The following SMCHD1 variants were observed in gnomAD, a reference collection of about 807,000 sequenced individuals.
SMCHD1 encodes structural maintenance of chromosomes flexible hinge domain containing 1, also known as structural maintenance of chromosomes flexible hinge domain-containing protein 1.
A neutral mutation model predicts 254.7 loss-of-function variants in SMCHD1; 78 were observed. The ratio of observed to expected loss-of-function variants is 0.31; its 90% confidence interval spans 0.26 to 0.37. The LOEUF (loss-of-function observed/expected upper bound fraction) is 0.37. Ranked by LOEUF, SMCHD1 falls within the 10% of genes least tolerant of loss-of-function variation. The pLI, the probability that SMCHD1 is intolerant of heterozygous loss-of-function variation, is 1.00. For synonymous variants in SMCHD1, 766 were observed against 794.9 expected, an observed-to-expected ratio of 0.96 and a Z score of 0.61; for missense variants, 1,840 against 2,408.1, an observed-to-expected ratio of 0.76 and a Z score of 4.94.
intron 29 of SMCHD1, among the ~76,000 whole-genome samples, chr18:2,744,573 T>A (rs1443755073): frequency 1.3e-5 from 2 of 152,188 alleles, no homozygotes; most frequent in Non-Finnish European, 2.9e-5. Context: ...ATACTTTTTT[T>A]TGTGGTGAAA....
intron 5 of SMCHD1, among the ~76,000 whole-genome samples, chr18:2,684,453 G>A (rs1382437385): frequency 6.6e-6 from 1 of 151,886 alleles, no homozygotes; most frequent in African/African-American, 2.4e-5. Context: ...GTGTTAAAAT[G>A]GTAAATGTTT....
At position 2,772,514 on chromosome 18, in the gene SMCHD1, A is replaced by G. The variant is rs655479; in HGVS notation, c.5175+142A>G. On this transcript the variant is annotated intron_variant, in intron 41 of 47. Transcript: ENST00000320876. ...ATAAAGTACCTGCTCTCATTATTGC[A>G]ATAGGGATTTGGCAGAGTTTAAAAC... 7.7e-6 allele frequency: 5 copies of G among 653,194 alleles called. No homozygotes were observed. The East Asian group carries it at 1.1e-4, about 14-fold the overall frequency. The allele number at this position is 653,194 out of a possible 1,614,324, so 40.5% of individuals were successfully genotyped here.
At chr18:2,765,613 C>T (rs1416320857) in intron 37 of SMCHD1, among the ~76,000 whole-genome samples, 2 of 152,166 alleles carry the variant, frequency 1.3e-5, no homozygotes, top group African/African-American at 4.8e-5. Context: ...TTGGTGAAAT[C>T]TAAAGATCTG....
At chr18:2,746,984 C>G (rs780892479) in intron 29 of SMCHD1, among the ~76,000 whole-genome samples, 1 of 124,722 alleles carries the variant, frequency 8.0e-6, no homozygotes, top group Non-Finnish European at 1.8e-5. Context: ...TCCTATTTAA[C>G]CAAGGGCTAG....
At chr18:2,682,762 A>T (rs2073962680) in intron 5 of SMCHD1, among the ~76,000 whole-genome samples, 1 of 152,230 alleles carries the variant, frequency 6.6e-6, no homozygotes, top group African/African-American at 2.4e-5. Flanking sequence ...ATGTAAATTT[A>T]TTCCTGAAGG....
At chr18:2,683,053 G>T (rs971713253) in intron 5 of SMCHD1, among the ~76,000 whole-genome samples, 2 of 152,142 alleles carry the variant, frequency 1.3e-5, no homozygotes, top group Non-Finnish European at 2.9e-5. Flanking sequence ...CTAGTGGAGA[G>T]AATTCTTTAG....
In SMCHD1 at chr18:2,743,804, C is replaced by A. The variant is rs748992678; in HGVS notation, c.3677C>A (p.Pro1226Gln). ...AGTGTAAGAGGCATCAAATTTATTC[C>A]AGGTCCTCCTGGAAATAAGGATCTT... The part of the protein sequence containing the change: ...SISVRGIKFI[P>Q]GPPGNKDLCF... The change falls in exon 29 of 48, where the codon CCA becomes CAA. Residue 1226 changes from proline to glutamine, a missense_variant. Coordinates refer to ENST00000320876, the MANE Select transcript of SMCHD1 (RefSeq NM_015295.3). 8.1e-6 allele frequency: 13 copies of A among 1,612,822 alleles called. No individual in the cohort carries two copies. Among genetic ancestry groups the A allele is most frequent in the Non-Finnish European group, 9.3e-6 (11 of 1,179,428 alleles).
intron 3 of SMCHD1, among the ~76,000 whole-genome samples, chr18:2,671,772 A>AC (rs949243858): frequency 1.2e-4 from 18 of 150,472 alleles, no homozygotes; most frequent in African/African-American, 4.4e-4. Flanking sequence ...ATTTTTTTGT[A>AC]TTTTTTTAGT....
intron 41 of SMCHD1, among the ~76,000 whole-genome samples, chr18:2,775,421 A>G (rs1313248617): frequency 6.6e-6 from 1 of 152,088 alleles, no homozygotes; most frequent in Non-Finnish European, 1.5e-5. Flanking sequence ...TGAAAAAAGT[A>G]TATATTACTA....
intron 29 of SMCHD1, among the ~76,000 whole-genome samples, chr18:2,744,752 G>A (rs894381059): frequency 2.0e-5 from 3 of 152,152 alleles, no homozygotes; most frequent in Non-Finnish European, 2.9e-5. Context: ...TGTATCCTTT[G>A]ATGGAATTCT....
At chr18:2,763,870 G>A in intron 37 of SMCHD1, 81 bp downstream of exon 37, 1 of 1,280,190 alleles carries the variant, frequency 7.8e-7, no homozygotes, top group Non-Finnish European at 1.1e-6. Context: ...CTTTTCTTTT[G>A]TATAGCTATG....
intron 26 of SMCHD1, 40 bp from the exon 27 acceptor site, chr18:2,739,392 T>C (rs757680714): frequency 7.0e-7 from 1 of 1,435,200 alleles, no homozygotes; most frequent in Admixed American, 1.7e-5. Flanking sequence ...CTTCAATTAA[T>C]GGTGTCACTA....
intron 44 of SMCHD1, among the ~76,000 whole-genome samples, chr18:2,781,410 CTGGACT>C (rs2076155087): frequency 1.3e-5 from 2 of 152,204 alleles, no homozygotes; most frequent in Non-Finnish European, 2.9e-5. Context: ...GTTTCATGTG[CTGGACT>C]AGTAGTATCC....
rs2075780767 is a variant in SMCHD1, at chr18:2,761,387, C to T, written c.4434+648C>T. Among the ~76,000 whole-genome samples the T allele has an allele frequency of 2.0e-5, 3 of 152,314 alleles. No individual in the cohort carries two copies. In the South Asian group the frequency reaches 6.2e-4, roughly 32 times the overall value. The stretch of plus-strand genomic sequence containing the variant: ...TCCTGCAATATACTCATGTAATACA[C>T]TTGCACATACACCCCCTGAATCTAA... On this transcript the variant is annotated intron_variant, in intron 35 of 47. Coordinates refer to ENST00000320876, the MANE Select transcript of SMCHD1 (RefSeq NM_015295.3).
chr18:2,672,869 G>A lies in SMCHD1; in HGVS notation c.425-412G>A, dbSNP rs1388282219. 2.0e-5 allele frequency among the ~76,000 whole-genome samples: 3 copies of A among 152,150 alleles called. No homozygotes were observed. The East Asian group carries it at 5.8e-4, about 29-fold the overall frequency. On this transcript the variant is annotated intron_variant, in intron 3 of 47. Coordinates refer to ENST00000320876, the MANE Select transcript of SMCHD1 (RefSeq NM_015295.3). ...AGCAGTATAGGAAATTTAAAAAAAA[G>A]ACACTTATTATCACTTCATATTTGC...
At position 2,763,743 on chromosome 18, in the gene SMCHD1, T is replaced by G; in HGVS notation, c.4673T>G (p.Val1558Gly). The change falls in exon 37 of 48, where the codon GTT becomes GGT. Residue 1558 changes from valine (V) to glycine (G), a missense_variant. Physicochemically the swap from Val to Gly is moderately radical, Grantham distance 109. Coordinates refer to ENST00000320876, the MANE Select transcript of SMCHD1 (RefSeq NM_015295.3). ...GATACCCCACTTTTTATTGGGAAAG[T>G]TAGAACACTTGAATTCCCCTTCGTG... ...DTDTPLFIGKVRTLEFPFVNG... is the reference protein window; with the variant it reads ...DTDTPLFIGKGRTLEFPFVNG... 1 of 1,610,806 alleles carries G rather than the reference T, an allele frequency of 6.2e-7. No individual in the cohort carries two copies. Among genetic ancestry groups the G allele is most frequent in the Non-Finnish European group, 8.5e-7 (1 of 1,178,528 alleles).
intron 29 of SMCHD1, among the ~76,000 whole-genome samples, chr18:2,745,219 A>C (rs1346021475): frequency 1.2e-5 from 1 of 80,046 alleles, no homozygotes; most frequent in Non-Finnish European, 2.8e-5. Context: ...GGGTTTCACC[A>C]TGCTGACCAA....
chr18:2,770,167 G>T, intron 39 of SMCHD1, 59 bp downstream of exon 39: 1 of 1,529,018 alleles, frequency 6.5e-7, no homozygotes, highest in South Asian at 1.3e-5. Flanking sequence ...AGGCAGGTGA[G>T]ATCGTGATAC....
At chr18:2,691,142 ATCTTG>A (rs1405693343) in intron 7 of SMCHD1, among the ~76,000 whole-genome samples, 2 of 152,058 alleles carry the variant, frequency 1.3e-5, no homozygotes, top group Non-Finnish European at 2.9e-5. Context: ...ACAGTATTCC[ATCTTG>A]TCTTAACCAC....
Sources: allele counts gnomAD v4.1 joint callset (sites outside exome capture counted in the v4.1 genomes callset), GRCh38; gene constraint gnomAD v4.1.1; transcripts MANE v1.5; gene names NCBI Gene and HGNC (gene_info 2026-07-23, HGNC 2026-07-21).